Variants in PDS5A observed in about 807,000 individuals in gnomAD.
PDS5A encodes the protein PDS5 cohesin associated factor A.
PDS5A carries 42 observed loss-of-function variants against 167.1 expected under a neutral mutation model. The ratio of observed to expected loss-of-function variants is 0.25; its 90% CI spans 0.20 to 0.33. PDS5A has a LOEUF of 0.33. Ranked by LOEUF, PDS5A falls within the 10% of genes least tolerant of loss-of-function variation. The pLI is 1.00. For synonymous variants in PDS5A, 553 were observed against 554.6 expected, an observed-to-expected ratio of 1.00 and a Z score of 0.04; for missense variants, 1,033 against 1,605.9, an observed-to-expected ratio of 0.64 and a Z score of 6.10.
At position 39,961,822 on chromosome 4, in the gene PDS5A, T is replaced by C. The variant is rs140921418; in HGVS notation, c.138+14618A>G. The stretch of plus-strand genomic sequence containing the variant: ...CTGTTCTCTTACTGTGAGCATTATA[T>C]AGATTTCTGATACAAGATATATAAA... On this transcript the variant is annotated intron_variant, in intron 2 of 32. Coordinates refer to ENST00000303538, the MANE Select transcript of PDS5A (RefSeq NM_001100399.2). Among the ~76,000 whole-genome samples the C allele has an allele frequency of 2.8e-4, 42 of 152,372 alleles. 1 individual carries two copies. In the East Asian group the frequency reaches 7.3e-3, roughly 27 times the overall value.
chr4:39,888,241 C>CAAGAAAA (rs1721652433), intron 17 of PDS5A, among the ~76,000 whole-genome samples: 1 of 56,268 alleles, frequency 1.8e-5, no homozygotes, highest in African/African-American at 6.6e-5. Context: ...AAGACTCCGG[C>CAAGAAAA]AAAAAAAAAA....
chr4:39,961,105 A>G (rs1250296499), intron 2 of PDS5A, among the ~76,000 whole-genome samples: 2 of 152,064 alleles, frequency 1.3e-5, no homozygotes, highest in Non-Finnish European at 2.9e-5. Context: ...CACCACAACT[A>G]GCTAGAACTT....
intron 2 of PDS5A, among the ~76,000 whole-genome samples, chr4:39,974,684 C>G (rs1730905319): frequency 6.6e-6 from 1 of 152,086 alleles, no homozygotes; most frequent in South Asian, 2.1e-4. Context: ...GCTAGGATTA[C>G]AGGTATGCGC....
chr4:39,879,616 T>C, intron 18 of PDS5A, 112 bp downstream of exon 18: 1 of 576,024 alleles, frequency 1.7e-6, no homozygotes. Context: ...ACACAAGTTT[T>C]AAATCTTTCA....
At chr4:39,825,603 CTT>C (rs1233557201) in intron 32 of PDS5A, 115 bp from the exon 33 acceptor site, 1 of 741,062 alleles carries the variant, frequency 1.3e-6, no homozygotes, top group East Asian at 3.1e-5. Flanking sequence ...TTTTTTTAAA[CTT>C]AAGCATCAGG....
Position 39,962,710 on chromosome 4 carries a change from A to T in PDS5A, c.138+13730T>A, listed in dbSNP as rs1578836666. 3.3e-5 allele frequency among the ~76,000 whole-genome samples: 5 copies of T among 152,204 alleles called. No individual in the cohort carries two copies. In the South Asian group the frequency reaches 1.0e-3, roughly 32 times the overall value. On this transcript the variant is annotated intron_variant, in intron 2 of 32. Coordinates refer to ENST00000303538, the MANE Select transcript of PDS5A (RefSeq NM_001100399.2). ...TCCCATCTAGTTGGGAGGCTGAGGCACGAGAATCGCTTGAACCCAGGAGGC... is the reference window on the plus strand; with the variant it reads ...TCCCATCTAGTTGGGAGGCTGAGGCTCGAGAATCGCTTGAACCCAGGAGGC...
At chr4:39,928,280 GTT>G in intron 2 of PDS5A, 116 bp from the exon 3 acceptor site, 1 of 608,576 alleles carries the variant, frequency 1.6e-6, no homozygotes, top group South Asian at 2.1e-5. Flanking sequence ...CCACCAGACA[GTT>G]CACAGTCAAC....
At chr4:39,874,519 G>A in intron 19 of PDS5A, 107 bp from the exon 20 acceptor site, 1 of 850,248 alleles carries the variant, frequency 1.2e-6, no homozygotes, top group Middle Eastern at 3.4e-4. Context: ...AGTAGAGAAG[G>A]CTCTCTTAAA....
intron 2 of PDS5A, among the ~76,000 whole-genome samples, chr4:39,945,404 T>G (rs1026495428): frequency 7.4e-6 from 1 of 135,470 alleles, no homozygotes; most frequent in African/African-American, 2.8e-5. Flanking sequence ...GAGCTTGCAG[T>G]GAGCAGAGAT....
At chr4:39,896,220 T>C (rs1000696086) in intron 16 of PDS5A, among the ~76,000 whole-genome samples, 1 of 151,470 alleles carries the variant, frequency 6.6e-6, no homozygotes, top group South Asian at 2.1e-4. Context: ...TTTTCTTTAA[T>C]GTTTTGTAGA....
At chr4:39,908,204 A>G (rs1321497512) in intron 11 of PDS5A, among the ~76,000 whole-genome samples, 191 bp downstream of exon 11, 2 of 152,216 alleles carry the variant, frequency 1.3e-5, no homozygotes, top group East Asian at 3.8e-4. Context: ...CAAAAGGTAT[A>G]GAATCCATTG....
chr4:39,857,674 TA>T (rs1485971804), intron 26 of PDS5A, among the ~76,000 whole-genome samples: 7 of 152,080 alleles, frequency 4.6e-5, no homozygotes, highest in African/African-American at 1.4e-4. Flanking sequence ...ACTGTAGTGA[TA>T]AAAGGTCAAT....
intron 23 of PDS5A, 42 bp from the exon 24 acceptor site, chr4:39,863,501 C>T (rs1433810765): frequency 2.1e-6 from 3 of 1,450,524 alleles, no homozygotes; most frequent in Admixed American, 2.2e-5. Flanking sequence ...CCTATAACCA[C>T]TATCATTCAT....
chr4:39,834,563 A>C (rs1040143518), intron 32 of PDS5A, among the ~76,000 whole-genome samples: 1 of 152,202 alleles, frequency 6.6e-6, no homozygotes, highest in Non-Finnish European at 1.5e-5. Flanking sequence ...AATCTTAAAA[A>C]AATTTTTAAA....
chr4:39,963,014 C>G (rs901692464), intron 2 of PDS5A, among the ~76,000 whole-genome samples: 2 of 151,168 alleles, frequency 1.3e-5, no homozygotes, highest in African/African-American at 2.4e-5. Context: ...TATATGTTTA[C>G]CACAATTAAA....
chr4:39,924,670 T>A (rs1408139547), intron 5 of PDS5A, among the ~76,000 whole-genome samples: 1 of 152,244 alleles, frequency 6.6e-6, no homozygotes, highest in Non-Finnish European at 1.5e-5. Flanking sequence ...TTGGATACAG[T>A]GGAATAAATA....
chr4:39,920,241 A>T, intron 7 of PDS5A, 78 bp downstream of exon 7: 1 of 621,078 alleles, frequency 1.6e-6, no homozygotes, highest in African/African-American at 1.9e-5. Flanking sequence ...ATAAACTTTT[A>T]TGTAAGAGGT....
chr4:39,825,365 G>C lies in PDS5A; in HGVS notation c.*120C>G. On this transcript the variant is annotated 3_prime_UTR_variant, in exon 33 of 33. Coordinates refer to ENST00000303538, the MANE Select transcript of PDS5A (RefSeq NM_001100399.2). ...TAGTCTCTTTAGTTTTCAAGGCAGA[G>C]AGTGTGTGTTCTGAAGTGAGCTTCA... 2 of 712,768 alleles carry C rather than the reference G, an allele frequency of 2.8e-6. No homozygotes were observed. Among genetic ancestry groups the C allele is most frequent in the Non-Finnish European group, 4.7e-6 (2 of 422,988 alleles). The allele number at this position is 712,768 out of a possible 1,614,324, so 44.2% of individuals were successfully genotyped here.
chr4:39,962,305 C>T (rs1174719562), intron 2 of PDS5A, among the ~76,000 whole-genome samples: 4 of 151,998 alleles, frequency 2.6e-5, no homozygotes, highest in Non-Finnish European at 5.9e-5. Context: ...ATCCGCCCGC[C>T]TTGGCCTCCC....
Sources: gnomAD v4.1 joint callset for allele counts (sites outside exome capture counted in the v4.1 genomes callset) on GRCh38, gnomAD v4.1.1 for gene constraint, MANE v1.5 for transcripts, NCBI Gene and HGNC (gene_info 2026-07-23, HGNC 2026-07-21) for gene names.